NFATC1: variants seen among roughly 807,000 people sequenced by gnomAD.
The protein encoded by NFATC1 is nuclear factor of activated T cells 1, also known as nuclear factor of activated T-cells, cytoplasmic 1.
A neutral mutation model predicts 76.0 loss-of-function variants in NFATC1; 22 were observed. That is an observed-to-expected ratio of 0.29 (90% CI 0.21 to 0.41). The LOEUF is 0.41. Among genes scored for constraint, NFATC1 ranks in the 10% least tolerant of loss-of-function variants. The pLI, the probability that NFATC1 is intolerant of heterozygous loss-of-function variation, is 1.00. For missense variants in NFATC1, 1,357 were observed against 1,337.7 expected (o/e 1.01, Z -0.23); for synonymous variants, 704 against 613.1 (o/e 1.15, Z -2.19).
At chr18:79,471,033 GC>G (rs1421951131) in intron 8 of NFATC1, 1 of 152,276 alleles carries the variant, frequency 6.6e-6, no homozygotes, top group Non-Finnish European at 1.5e-5. Flanking sequence ...CCGGGGTGCT[GC>G]CCGGTGAGGA....
intron 8 of NFATC1, among the ~76,000 whole-genome samples, chr18:79,474,305 T>G (rs2088942045): frequency 7.7e-6 from 1 of 130,570 alleles, no homozygotes; most frequent in East Asian, 2.5e-4. Flanking sequence ...CTGTCGACAT[T>G]GTAAACCTGA....
At chr18:79,447,730 G>A (rs1427728400) in intron 3 of NFATC1, among the ~76,000 whole-genome samples, 1 of 152,216 alleles carries the variant, frequency 6.6e-6, no homozygotes, top group African/African-American at 2.4e-5. Context: ...AGAATCAAAC[G>A]TTCCTGTTCC....
chr18:79,467,333 ACGCGGGG>A (rs1568997678), intron 7 of NFATC1, 110 bp from the exon 8 acceptor site: 2 of 991,236 alleles, frequency 2.0e-6, no homozygotes, highest in African/African-American at 4.4e-5. Context: ...CGCCGTGGAA[ACGCGGGG>A]TTGCCGTGTG....
At chr18:79,470,561 C>G (rs2088742253) in intron 8 of NFATC1, 1 of 152,202 alleles carries the variant, frequency 6.6e-6, no homozygotes, top group Non-Finnish European at 1.5e-5. Flanking sequence ...ACAGGGAGGC[C>G]CCTCCGAGAG....
intron 8 of NFATC1, among the ~76,000 whole-genome samples, chr18:79,482,505 G>A (rs1375988685): frequency 7.2e-6 from 1 of 139,824 alleles, no homozygotes; most frequent in Non-Finnish European, 1.5e-5. Context: ...TTCCTGGGGT[G>A]TCATTCCAGC....
At chr18:79,415,317 C>G (rs2085840070) in intron 2 of NFATC1, among the ~76,000 whole-genome samples, 2 of 152,190 alleles carry the variant, frequency 1.3e-5, no homozygotes, top group South Asian at 4.1e-4. Flanking sequence ...GAGTCTCGCT[C>G]TGTCACCCAG....
chr18:79,432,695 G>A (rs1480298701), intron 2 of NFATC1, among the ~76,000 whole-genome samples: 11 of 152,212 alleles, frequency 7.2e-5, no homozygotes, highest in Non-Finnish European at 1.6e-4. Flanking sequence ...GTGGTGCACC[G>A]GGGCAGGCCA....
chr18:79,426,818 G>A (rs1276974890), intron 2 of NFATC1, among the ~76,000 whole-genome samples: 2 of 152,238 alleles, frequency 1.3e-5, no homozygotes, highest in Admixed American at 6.5e-5. Flanking sequence ...CCCGGCCCCC[G>A]GGGCTGCCCC....
At chr18:79,494,955 G>A (rs1045203530) in intron 9 of NFATC1, among the ~76,000 whole-genome samples, 4 of 151,776 alleles carry the variant, frequency 2.6e-5, no homozygotes, top group East Asian at 1.9e-4. Context: ...TGGTACGGCC[G>A]GGGGAAGGCG....
chr18:79,396,228 C>T lies in NFATC1; in HGVS notation c.4C>T (p.Pro2Ser), dbSNP rs770433284. 3 of 1,488,942 alleles carry T rather than the reference C, an allele frequency of 2.0e-6. No homozygotes were observed. The highest frequency in any genetic ancestry group is 1.5e-5 in the African/African-American group (1 of 68,626). The allele number at this position is 1,488,942 out of a possible 1,614,324, so 92.2% of individuals were successfully genotyped here. M[P>S]STSFPVPSKF... is the part of the protein sequence containing the mutation. Reference sequence around the variant, plus strand: ...ACTCCCCGCCGCCGCCGCGCGGATGCCAAGCACCAGCTTTCCAGTCCCTTC... The same window carrying T: ...ACTCCCCGCCGCCGCCGCGCGGATGTCAAGCACCAGCTTTCCAGTCCCTTC... Residue 2 changes from proline to serine, a missense_variant, in exon 1 of 10, where the codon CCA becomes TCA. Coordinates refer to ENST00000427363, the MANE Select transcript of NFATC1 (RefSeq NM_001278669.2).
intron 8 of NFATC1, among the ~76,000 whole-genome samples, chr18:79,482,823 GGGGGTGTAATTCCAGCGTGACCTGGTCCT>G (rs550918264): frequency 6.6e-4 from 56 of 85,298 alleles, no homozygotes; most frequent in South Asian, 1.5e-3. Context: ...GACCTGGTCC[GGGGGTGTAATTCCAGCGTGACCTGGTCCT>G]GGGGTGTAAT....
chr18:79,445,479 C>T (rs1247020312), intron 3 of NFATC1, among the ~76,000 whole-genome samples: 1 of 152,224 alleles, frequency 6.6e-6, no homozygotes, highest in Admixed American at 6.5e-5. Context: ...ACGGCCTTCA[C>T]CTGGAAGTGT....
intron 2 of NFATC1, among the ~76,000 whole-genome samples, chr18:79,423,856 C>T (rs953779776): frequency 3.3e-5 from 5 of 152,222 alleles, no homozygotes; most frequent in African/African-American, 4.8e-5. Context: ...AGGCCCTGCC[C>T]GCAGCCTCAG....
rs904945655 is a variant in NFATC1 at position 79,448,109 on chromosome 18, C to T, written c.1387-673C>T. On this transcript the variant is annotated intron_variant, in intron 3 of 9. Coordinates refer to ENST00000427363, the MANE Select transcript of NFATC1 (RefSeq NM_001278669.2). ...TGAGTCTCACCCACACGGCGCCGGC[C>T]GAGAAGCCATGAGCGGCTCTGCAGG... Among the ~76,000 whole-genome samples the T allele has an allele frequency of 7.2e-5, 11 of 152,350 alleles. No individual in the cohort carries two copies. The East Asian group carries it at 1.5e-3, about 21-fold the overall frequency.
intron 8 of NFATC1, among the ~76,000 whole-genome samples, chr18:79,484,285 G>A (rs1186819566): frequency 6.6e-6 from 1 of 152,098 alleles, no homozygotes; most frequent in Non-Finnish European, 1.5e-5. Context: ...CAGAGCCCCA[G>A]GAAGGCCTGG....
At position 79,488,745 on chromosome 18, in the gene NFATC1, C is replaced by T. The variant is rs144086343; in HGVS notation, c.2782+1808C>T. Among the ~76,000 whole-genome samples, 27 of 152,312 alleles carry T rather than the reference C, an allele frequency of 1.8e-4. No homozygotes were observed. In the East Asian group the frequency reaches 4.1e-3, roughly 23 times the overall value. ...AGTCCCTCACCCCTGCTTTGTCTCA[C>T]GCGGTACCAGGTGGTCCCAAGGCGG... On this transcript the variant is annotated intron_variant, in intron 9 of 9. Coordinates refer to ENST00000427363, the MANE Select transcript of NFATC1 (RefSeq NM_001278669.2).
At chr18:79,401,988 T>C (rs1476740805) in intron 1 of NFATC1, among the ~76,000 whole-genome samples, 1 of 152,166 alleles carries the variant, frequency 6.6e-6, no homozygotes, top group East Asian at 1.9e-4. Flanking sequence ...AGGGGGTAGT[T>C]ATCCCCATGG....
At chr18:79,409,215 A>C (rs1207403921) in intron 1 of NFATC1, among the ~76,000 whole-genome samples, 1 of 144,742 alleles carries the variant, frequency 6.9e-6, no homozygotes, top group Non-Finnish European at 1.5e-5. Flanking sequence ...CTATCCATCC[A>C]TTCATCCATC....
At position 79,486,631 on chromosome 18, in the gene NFATC1, G is replaced by C; in HGVS notation, c.2476G>C (p.Val826Leu). ...QPPPALLPQQ[V>L]SAPPSSSCPP... ...ACCCCCGGCCCTGCTGCCACAGCAG[G>C]TGAGTGCGCCTCCAAGCAGTAGCTG... Residue 826 changes from valine (V) to leucine (L), a missense_variant, in exon 9 of 10, where the codon GTG (valine) becomes CTG (leucine). Physicochemically the swap from Val to Leu is conservative, Grantham distance 32. Around this residue, in one of 3 missense-constraint regions of NFATC1, gnomAD observed 424 missense variants for 395.4 expected, o/e 1.07. Coordinates refer to ENST00000427363, the MANE Select transcript of NFATC1 (RefSeq NM_001278669.2). 6.2e-7 allele frequency: 1 copy of C among 1,601,824 alleles called. No homozygotes were observed. Among genetic ancestry groups the C allele is most frequent in the Non-Finnish European group, 8.5e-7 (1 of 1,177,500 alleles).
Sources: gnomAD v4.1 joint callset for allele counts (sites outside exome capture counted in the v4.1 genomes callset) on GRCh38, gnomAD v4.1.1 for gene constraint, gnomAD v4.1.1 regional missense constraint, MANE v1.5 for transcripts, NCBI Gene and HGNC (gene_info 2026-07-23, HGNC 2026-07-21) for gene names.